The following GRK4 variants were observed in gnomAD, a reference collection of about 807,000 sequenced individuals.
GRK4 encodes the protein G protein-coupled receptor kinase 4, also known as G protein-coupled receptor kinase 2-like.
GRK4 carries 73 observed loss-of-function variants against 77.9 expected under a neutral mutation model. The observed-to-expected ratio is 0.94, with a 90% CI of 0.78 to 1.14. GRK4 has a LOEUF of 1.14. Among genes scored for constraint, GRK4 ranks in the 50% most tolerant of loss-of-function variants. GRK4 has a pLI of 0.00. For synonymous variants in GRK4, 257 were observed against 254.4 expected, an observed-to-expected ratio of 1.01 and a Z score of -0.10; for missense variants, 729 against 700.2, an observed-to-expected ratio of 1.04 and a Z score of -0.46.
chr4:3,011,506 T>A (rs1003277195), intron 7 of GRK4, among the ~76,000 whole-genome samples: 1 of 152,176 alleles, frequency 6.6e-6, no homozygotes, highest in African/African-American at 2.4e-5. Context: ...TTTTAACAGA[T>A]TTACTTGGGT....
Position 3,007,718 on chromosome 4 carries a change from T to A in GRK4, c.444-18T>A, listed in dbSNP as rs961503593. 64 of 1,505,416 alleles carry A rather than the reference T, an allele frequency of 4.3e-5. No individual in the cohort carries two copies. The highest frequency in any genetic ancestry group is 3.5e-4 in the Middle Eastern group (2 of 5,718). The allele number at this position is 1,505,416 out of a possible 1,614,324, so 93.3% of individuals were successfully genotyped here. On this transcript the variant is annotated intron_variant, in intron 5 of 15. Transcript: ENST00000398052. ...TTAATACAACAAATGTATATAATTT[T>A]AAAAAATCTTTTTCTAGAGTTGCCC...
rs1228195547 is a variant in GRK4 at position 2,980,618 on chromosome 4, C to T, written c.53-3895C>T. 6.6e-5 allele frequency among the ~76,000 whole-genome samples: 10 copies of T among 152,188 alleles called. 1 individual carries two copies. Among genetic ancestry groups the T allele is most frequent in the African/African-American group, 1.9e-4 (8 of 41,502 alleles). ...CCCATCTGTGAGGAGCAGAACAGCT[C>T]ACCTCTTGCCTGACAGGCTAGTCCT... On this transcript the variant is annotated intron_variant, in intron 1 of 15. Transcript: ENST00000398052.
chr4:3,029,091 G>T (rs755110583), intron 11 of GRK4, 110 bp from the exon 12 acceptor site: 7 of 821,682 alleles, frequency 8.5e-6, no homozygotes, highest in South Asian at 1.8e-5. Flanking sequence ...TGTTTTTAAG[G>T]TTCGTCCATG....
At chr4:2,980,687 C>T (rs1348183429) in intron 1 of GRK4, among the ~76,000 whole-genome samples, 2 of 152,158 alleles carry the variant, frequency 1.3e-5, no homozygotes, top group Non-Finnish European at 2.9e-5. Flanking sequence ...CCTACCCCAC[C>T]GTCAGTGCCA....
At chr4:2,974,610 TA>T (rs892638549) in intron 1 of GRK4, among the ~76,000 whole-genome samples, 27 of 152,190 alleles carry the variant, frequency 1.8e-4, no homozygotes, top group African/African-American at 5.8e-4. Flanking sequence ...TTAGCTCAGG[TA>T]ATGTGGAGGA....
At chr4:2,968,493 A>T (rs1718458823) in intron 1 of GRK4, among the ~76,000 whole-genome samples, 2 of 152,160 alleles carry the variant, frequency 1.3e-5, no homozygotes, top group Admixed American at 6.5e-5. Flanking sequence ...CAAAGTAAGA[A>T]CCTAACAATC....
intron 12 of GRK4, among the ~76,000 whole-genome samples, chr4:3,030,773 A>T (rs1290977971): frequency 6.6e-6 from 1 of 152,218 alleles, no homozygotes. Flanking sequence ...CAGGAAGCCC[A>T]GGCCATGCTG....
chr4:3,030,990 C>T (rs527259320), intron 12 of GRK4, among the ~76,000 whole-genome samples: 10 of 152,214 alleles, frequency 6.6e-5, no homozygotes, highest in African/African-American at 1.7e-4. Context: ...ACGCAGACCT[C>T]GGTGATGGCA....
At chr4:3,017,529 G>C (rs553902043) in intron 8 of GRK4, among the ~76,000 whole-genome samples, 1 of 152,202 alleles carries the variant, frequency 6.6e-6, no homozygotes, top group African/African-American at 2.4e-5. Flanking sequence ...ATATTCACAA[G>C]AGGAGAGAAA....
At chr4:3,005,937 C>T (rs1015625986) in intron 5 of GRK4, among the ~76,000 whole-genome samples, 6 of 152,142 alleles carry the variant, frequency 3.9e-5, no homozygotes, top group South Asian at 2.1e-4. Flanking sequence ...GAGAATTCAG[C>T]GGCCAGTTCC....
rs201530341 is a variant in GRK4, at chr4:3,029,188, A to G, written c.1061-13A>G. Reference sequence around the variant, plus strand: ...ATTTAACTTAATTTCCATTTCCTGTATTTGTTATGTAGCACCTGAAGTTGT... The same window carrying G: ...ATTTAACTTAATTTCCATTTCCTGTGTTTGTTATGTAGCACCTGAAGTTGT... On this transcript the variant is annotated splice_polypyrimidine_tract_variant and intron_variant, in intron 11 of 15. Transcript: ENST00000398052. The G allele has an allele frequency of 3.8e-6, 6 of 1,585,530 alleles. No individual in the cohort carries two copies. The African/African-American group carries it at 6.8e-5, about 18-fold the overall frequency.
intron 13 of GRK4, among the ~76,000 whole-genome samples, chr4:3,036,488 A>G (rs556501098): frequency 6.6e-6 from 1 of 152,342 alleles, no homozygotes; most frequent in African/African-American, 2.4e-5. Context: ...TCCTGGGTGA[A>G]AAGTTTCTCA....
At chr4:3,016,315 G>A (rs1734478548) in intron 8 of GRK4, among the ~76,000 whole-genome samples, 1 of 150,928 alleles carries the variant, frequency 6.6e-6, no homozygotes, top group Non-Finnish European at 1.5e-5. Context: ...TCAGGAGTTC[G>A]AGACCAGCCT....
At chr4:3,009,820 T>A in intron 7 of GRK4, 109 bp downstream of exon 7, 1 of 674,782 alleles carries the variant, frequency 1.5e-6, no homozygotes, top group Non-Finnish European at 2.6e-6. Context: ...ACTGTTGCCT[T>A]AGTGGGTGTT....
At chr4:3,037,819 G>A (rs1332193420) in intron 14 of GRK4, among the ~76,000 whole-genome samples, 1 of 151,940 alleles carries the variant, frequency 6.6e-6, no homozygotes, top group East Asian at 1.9e-4. Flanking sequence ...GGATGCTGAG[G>A]CAGGAGAATC....
intron 4 of GRK4, among the ~76,000 whole-genome samples, chr4:3,000,519 G>C (rs181675187): frequency 1.8e-4 from 28 of 152,020 alleles, no homozygotes; most frequent in Non-Finnish European, 3.1e-4. Flanking sequence ...GCAAATGAGT[G>C]AATGAACAAA....
At chr4:3,006,433 T>C (rs1423558974) in intron 5 of GRK4, among the ~76,000 whole-genome samples, 2 of 152,024 alleles carry the variant, frequency 1.3e-5, no homozygotes, top group African/African-American at 4.8e-5. Context: ...TTATTCTTGT[T>C]GGATATTCAC....
At chr4:3,006,364 G>C (rs1284365935) in intron 5 of GRK4, among the ~76,000 whole-genome samples, 1 of 145,372 alleles carries the variant, frequency 6.9e-6, no homozygotes, top group Non-Finnish European at 1.5e-5. Flanking sequence ...TGGTCAACAA[G>C]AGCAAAACTC....
chr4:2,998,970 A>G (rs933663514), intron 4 of GRK4, among the ~76,000 whole-genome samples: 4 of 152,210 alleles, frequency 2.6e-5, no homozygotes, highest in Non-Finnish European at 5.9e-5. Flanking sequence ...AACTTAGTAC[A>G]AAGCTACAGT....
Sources: gnomAD v4.1 joint callset for allele counts (sites outside exome capture counted in the v4.1 genomes callset) on GRCh38, gnomAD v4.1.1 for gene constraint, MANE v1.5 for transcripts, NCBI Gene and HGNC (gene_info 2026-07-23, HGNC 2026-07-21) for gene names.